IGFL4: variants seen among roughly 807,000 people sequenced by gnomAD.
The protein encoded by IGFL4 is insulin growth factor-like family member 4.
IGFL4 carries 12 observed loss-of-function variants against 15.4 expected under a neutral mutation model. The observed-to-expected ratio is 0.78, with a 90% CI of 0.50 to 1.26. The LOEUF (loss-of-function observed/expected upper bound fraction) is 1.26, where lower values mean the gene tolerates loss of function less well. Among genes scored for constraint, IGFL4 ranks in the 50% most tolerant of loss-of-function variants. IGFL4 has a pLI of 0.00. For synonymous variants in IGFL4, 54 were observed against 55.9 expected (o/e 0.97, Z 0.16); for missense variants, 126 against 147.8 (o/e 0.85, Z 0.76).
intron 1 of IGFL4, among the ~76,000 whole-genome samples, chr19:46,063,548 T>C (rs1001234485): frequency 7.2e-5 from 11 of 152,188 alleles, no homozygotes; most frequent in African/African-American, 2.7e-4. Context: ...TAATTATCCT[T>C]TCAATGTCCA....
rs571710359 is a variant in IGFL4, at chr19:46,048,400, G to T, written c.-322-7290C>A. Among the ~76,000 whole-genome samples the T allele has an allele frequency of 6.6e-5, 10 of 152,208 alleles. No homozygotes were observed. The South Asian group carries it at 2.1e-3, about 32-fold the overall frequency. On this transcript the variant is annotated intron_variant, in intron 2 of 5. Transcript: ENST00000601672. The stretch of plus-strand genomic sequence containing the variant: ...TCTCTCACCACTCCTATTCAACATA[G>T]TATTGGAAGTTCTGGCCAGGGCAAT...
intron 1 of IGFL4, among the ~76,000 whole-genome samples, chr19:46,067,614 C>T (rs1188878132): frequency 6.6e-6 from 1 of 152,182 alleles, no homozygotes; most frequent in Non-Finnish European, 1.5e-5. Flanking sequence ...AGGGGCTTGT[C>T]TGCATCCTCA....
chr19:46,073,732 A>G (rs1474240596), intron 1 of IGFL4, among the ~76,000 whole-genome samples: 1 of 152,180 alleles, frequency 6.6e-6, no homozygotes, highest in Non-Finnish European at 1.5e-5. Context: ...AAATATCTCA[A>G]CACTCTGACA....
chr19:46,040,551 C>A lies in IGFL4; in HGVS notation c.37G>T (p.Glu13Ter). The stretch of plus-strand genomic sequence containing the variant: ...CCTTCTGAGTTTGAACCCAAAAGTT[C>A]AAAAATGAAGATGGCAGCTGAGAAG... ...PRISAAIFIFELLGSNSEGVT... is the reference protein window; with the variant it reads ...PRISAAIFIF Residue 13 changes from glutamate (E) to a stop codon, truncating the protein, a stop_gained, in exon 2 of 4, where the codon GAA (glutamate) becomes TAA (stop). Transcript: ENST00000377697. LOFTEE classifies it high-confidence loss of function. This position sits in a 1 kb window ranked among gnomAD's most constrained non-coding sequence, Gnocchi z 4.1. The A allele has an allele frequency of 1.2e-6, 2 of 1,613,996 alleles. No homozygotes were observed. The highest frequency in any genetic ancestry group is 2.2e-5 in the South Asian group (2 of 91,054).
At position 46,040,790 on chromosome 19, in the gene IGFL4, A is replaced by G; in HGVS notation, c.19+154T>C. 1 of 946,260 alleles carries G rather than the reference A, an allele frequency of 1.1e-6. No homozygotes were observed. The highest frequency in any genetic ancestry group is 1.7e-6 in the Non-Finnish European group (1 of 603,986). The allele number at this position is 946,260 out of a possible 1,614,324, so 58.6% of individuals were successfully genotyped here. On this transcript the variant is annotated intron_variant, in intron 1 of 3. Transcript: ENST00000377697. The surrounding 1 kb of genome is among the most constrained non-coding windows in gnomAD (Gnocchi z 4.1). ...TTCTGGAATTTGCAGTTCAGGAGAC[A>G]GATTACAATGCAGTCACAGATGACA... is the stretch of plus-strand genomic sequence containing the variant.
chr19:46,076,184 C>G (rs1308486964), intron 1 of IGFL4, among the ~76,000 whole-genome samples: 1 of 152,186 alleles, frequency 6.6e-6, no homozygotes, highest in African/African-American at 2.4e-5. Context: ...GAGGGAGGAG[C>G]CTTCGTGACC....
At chr19:46,056,605 G>A (rs1011477987) in intron 2 of IGFL4, among the ~76,000 whole-genome samples, 3 of 152,150 alleles carry the variant, frequency 2.0e-5, no homozygotes, top group African/African-American at 2.4e-5. Flanking sequence ...GAGGTCTGGT[G>A]GTCAAGAATT....
intron 2 of IGFL4, among the ~76,000 whole-genome samples, chr19:46,051,519 T>C (rs1212945487): frequency 2.0e-5 from 3 of 152,126 alleles, no homozygotes; most frequent in African/African-American, 2.4e-5. Flanking sequence ...CACTCCAACC[T>C]GGGTGACGGA....
At chr19:46,058,578 T>A (rs936480889) in intron 2 of IGFL4, 2 of 152,238 alleles carry the variant, frequency 1.3e-5, no homozygotes, top group African/African-American at 4.8e-5. Context: ...ATTTCCCTTC[T>A]TCATTGCCCT....
At chr19:46,062,886 A>ATGATCCTGTACATGCC (rs1364497988) in intron 1 of IGFL4, 1 of 152,404 alleles carries the variant, frequency 6.6e-6, no homozygotes, top group East Asian at 1.9e-4. Flanking sequence ...CTATTGTCCC[A>ATGATCCTGTACATGCC]TGATCCTGTA....
chr19:46,039,453 A>T lies in IGFL4; in HGVS notation c.*439T>A, dbSNP rs1254239766. On this transcript the variant is annotated 3_prime_UTR_variant, in exon 4 of 4. Transcript: ENST00000377697. Reference sequence around the variant, plus strand: ...GAAAGTCATTGGTAGCTTGATGGGGATGGCATTGAATCTGTAAATTACCTT... The same window carrying T: ...GAAAGTCATTGGTAGCTTGATGGGGTTGGCATTGAATCTGTAAATTACCTT... Among the ~76,000 whole-genome samples the T allele has an allele frequency of 8.0e-6, 1 of 124,968 alleles. No homozygotes were observed. The highest frequency in any genetic ancestry group is 1.7e-5 in the Non-Finnish European group (1 of 60,262). The allele number at this position is 124,968 out of a possible 152,430, so 82.0% of individuals were successfully genotyped here. A position where few individuals can be genotyped will look rare whatever the true frequency, so the allele number is the denominator to read the frequency against.
chr19:46,074,061 A>G (rs60913597), intron 1 of IGFL4, among the ~76,000 whole-genome samples: 6,870 of 152,116 alleles, frequency 0.045, 214 homozygotes, highest in South Asian at 0.1. Flanking sequence ...GTTAGCTACG[A>G]TGGCCTGACT....
At chr19:46,052,865 C>T (rs1257730696) in intron 2 of IGFL4, among the ~76,000 whole-genome samples, 5 of 102,304 alleles carry the variant, frequency 4.9e-5, no homozygotes, top group African/African-American at 4.1e-5. Flanking sequence ...TATGTTATCT[C>T]GTTTTTTTTT....
At chr19:46,049,423 G>T (rs563453490) in intron 2 of IGFL4, among the ~76,000 whole-genome samples, 4 of 152,180 alleles carry the variant, frequency 2.6e-5, no homozygotes, top group Admixed American at 6.5e-5. Context: ...GTGCTGTTAG[G>T]GGGGCATAGT....
intron 2 of IGFL4, among the ~76,000 whole-genome samples, chr19:46,049,693 C>A (rs1025512355): frequency 6.6e-6 from 1 of 152,140 alleles, no homozygotes; most frequent in Non-Finnish European, 1.5e-5. Context: ...GCCCTGGGAG[C>A]AGAAGACAAA....
At chr19:46,041,430 C>T (rs748015876), upstream of IGFL4, among the ~76,000 whole-genome samples, 3 of 152,182 alleles carry the variant, frequency 2.0e-5, no homozygotes, top group Non-Finnish European at 2.9e-5. Context: ...CAGACCTGCA[C>T]TGTCTATAAT....
At chr19:46,041,076 G>A (rs1969238597), upstream of IGFL4, 1 of 971,166 alleles carries the variant, frequency 1.0e-6, no homozygotes, top group African/African-American at 1.7e-5. Context: ...GTGTGCAGAA[G>A]GAGTGGTTTC....
rs1289316654 is a variant in IGFL4 at position 46,063,872 on chromosome 19, G to A, written c.-431-3579C>T. Among the ~76,000 whole-genome samples, 8 of 152,110 alleles carry A rather than the reference G, an allele frequency of 5.3e-5. 1 individual carries two copies. Among genetic ancestry groups the A allele is most frequent in the African/African-American group, 1.9e-4 (8 of 41,400 alleles). ...TTGGATTTCTTAATATCTTTAATAA[G>A]TGATTCTCCTTAAATGAGGTATAGA... On this transcript the variant is annotated intron_variant, in intron 1 of 5. Transcript: ENST00000601672.
chr19:46,062,191 C>G (rs1969451752), intron 1 of IGFL4, among the ~76,000 whole-genome samples: 1 of 152,166 alleles, frequency 6.6e-6, no homozygotes, highest in Non-Finnish European at 1.5e-5. Context: ...TTTAGCCAGG[C>G]CAAACTGCCA....
Sources: allele counts gnomAD v4.1 joint callset (sites outside exome capture counted in the v4.1 genomes callset), GRCh38; gene constraint gnomAD v4.1.1; non-coding constraint Gnocchi (gnomAD v3.1); transcripts MANE v1.5; gene names NCBI Gene and HGNC (gene_info 2026-07-23, HGNC 2026-07-21).